DTD1: variants seen among roughly 807,000 people sequenced by gnomAD.
The protein encoded by DTD1 is D-aminoacyl-tRNA deacylase 1.
A neutral mutation model predicts 25.6 loss-of-function variants in DTD1; 13 were observed. That is an observed-to-expected ratio of 0.51 (90% confidence interval 0.33 to 0.81). DTD1 has a LOEUF of 0.81. Among genes scored for constraint, DTD1 ranks in the 30% least tolerant of loss-of-function variants. The pLI, the probability that DTD1 is intolerant of heterozygous loss-of-function variation, is 0.02. For missense variants in DTD1, 193 were observed against 266.4 expected, an observed-to-expected ratio of 0.72 and a Z score of 1.92; for synonymous variants, 110 against 103.6, an observed-to-expected ratio of 1.06 and a Z score of -0.37.
At chr20:18,600,924 T>C (rs776363412) in intron 3 of DTD1, among the ~76,000 whole-genome samples, 4 of 152,254 alleles carry the variant, frequency 2.6e-5, no homozygotes, top group Non-Finnish European at 5.9e-5. Context: ...AGGAAAGTGA[T>C]TGACTTTTGT....
At chr20:18,610,886 TG>T (rs1568644780) in intron 3 of DTD1, among the ~76,000 whole-genome samples, 2 of 74,614 alleles carry the variant, frequency 2.7e-5, no homozygotes, top group Admixed American at 1.3e-4. Context: ...CACTCCAGCC[TG>T]GGTGACAGAG....
At chr20:18,632,572 C>T (rs560902025) in intron 4 of DTD1, 14 of 985,302 alleles carry the variant, frequency 1.4e-5, no homozygotes, top group Admixed American at 6.1e-5. Context: ...TAGATAAACA[C>T]GTGTTTCTAT....
intron 4 of DTD1, among the ~76,000 whole-genome samples, chr20:18,672,483 T>G (rs984895669): frequency 1.3e-5 from 2 of 152,102 alleles, no homozygotes; most frequent in Admixed American, 6.5e-5. Context: ...ACCAAAAAGC[T>G]TATCAATACT....
chr20:18,704,216 G>A (rs552437286), intron 4 of DTD1, among the ~76,000 whole-genome samples: 1 of 152,266 alleles, frequency 6.6e-6, no homozygotes, highest in East Asian at 1.9e-4. Flanking sequence ...TAGCCAGGAT[G>A]GTCTCGATCT....
intron 4 of DTD1, among the ~76,000 whole-genome samples, chr20:18,708,975 C>T (rs2061147440): frequency 6.6e-6 from 1 of 152,204 alleles, no homozygotes; most frequent in Non-Finnish European, 1.5e-5. Flanking sequence ...ACTTCCTCCC[C>T]ACTTAATCGA....
chr20:18,665,220 G>C (rs2093490313), intron 4 of DTD1, among the ~76,000 whole-genome samples: 1 of 152,154 alleles, frequency 6.6e-6, no homozygotes, highest in Non-Finnish European at 1.5e-5. Flanking sequence ...GGGTTCAGTT[G>C]GGGCTGGGGG....
intron 4 of DTD1, among the ~76,000 whole-genome samples, chr20:18,694,343 G>A (rs371576430): frequency 4.6e-5 from 7 of 152,128 alleles, no homozygotes; most frequent in African/African-American, 1.7e-4. Flanking sequence ...TTTTACAAAT[G>A]GGGAGACAGA....
chr20:18,644,061 T>C (rs145608695), intron 4 of DTD1, among the ~76,000 whole-genome samples: 3 of 152,320 alleles, frequency 2.0e-5, no homozygotes, highest in African/African-American at 7.2e-5. Flanking sequence ...TGTGTAGCTA[T>C]TTTCCTTTTG....
intron 4 of DTD1, among the ~76,000 whole-genome samples, chr20:18,729,399 G>C (rs970094640): frequency 6.6e-6 from 1 of 152,222 alleles, no homozygotes; most frequent in Non-Finnish European, 1.5e-5. Context: ...GCTACTGGTA[G>C]ATCCTGAAAC....
At chr20:18,712,722 A>G (rs555816210) in intron 4 of DTD1, among the ~76,000 whole-genome samples, 2 of 152,302 alleles carry the variant, frequency 1.3e-5, no homozygotes, top group Admixed American at 6.5e-5. Context: ...TGGGATCCAC[A>G]AGCTTACCGG....
chr20:18,654,053 C>T (rs548664277), intron 4 of DTD1, among the ~76,000 whole-genome samples: 2 of 152,182 alleles, frequency 1.3e-5, no homozygotes, highest in Non-Finnish European at 2.9e-5. Context: ...TGATTTCTTT[C>T]CAATTTATAA....
intron 4 of DTD1, among the ~76,000 whole-genome samples, chr20:18,628,522 G>A (rs2060769084): frequency 1.3e-5 from 2 of 152,076 alleles, no homozygotes; most frequent in South Asian, 2.1e-4. Flanking sequence ...GTGCCGTGGC[G>A]CCCACCTGCC....
intron 3 of DTD1, among the ~76,000 whole-genome samples, chr20:18,597,557 G>A (rs2122247140): frequency 6.6e-6 from 1 of 152,268 alleles, no homozygotes; most frequent in Non-Finnish European, 1.5e-5. Flanking sequence ...GTCCTAGGCA[G>A]CCATTAATCT....
chr20:18,685,930 G>A (rs1443959804), intron 4 of DTD1, among the ~76,000 whole-genome samples: 2 of 152,174 alleles, frequency 1.3e-5, no homozygotes, highest in Admixed American at 1.3e-4. Context: ...AAAGTCCTGT[G>A]TGCTGCGCCA....
intron 4 of DTD1, chr20:18,631,856 GA>G (rs1233675752): frequency 2.0e-6 from 2 of 985,032 alleles, no homozygotes; most frequent in African/African-American, 3.5e-5. Flanking sequence ...GGAAATGGTA[GA>G]ATAGTACATT....
intron 5 of DTD1, among the ~76,000 whole-genome samples, chr20:18,758,288 C>T (rs1011820183): frequency 3.3e-5 from 5 of 151,994 alleles, no homozygotes; most frequent in South Asian, 2.1e-4. Flanking sequence ...CTGCTCTGAT[C>T]TTAGTTATTT....
At position 18,692,660 on chromosome 20, in the gene DTD1, C is replaced by G. The variant is rs186137545; in HGVS notation, c.478-51440C>G. ...CTGGAGTCAGGAGGAGCCCCACTGACTGCCTGGAAGGAGAGCTGAGGCTCT... is the reference window on the plus strand; with the variant it reads ...CTGGAGTCAGGAGGAGCCCCACTGAGTGCCTGGAAGGAGAGCTGAGGCTCT... On this transcript the variant is annotated intron_variant, in intron 4 of 5. Transcript: ENST00000377452. 3.3e-5 allele frequency among the ~76,000 whole-genome samples: 5 copies of G among 152,320 alleles called. No individual in the cohort carries two copies. In the East Asian group the frequency reaches 9.7e-4, roughly 29 times the overall value.
At chr20:18,733,742 C>T (rs2122508171) in intron 4 of DTD1, among the ~76,000 whole-genome samples, 1 of 152,274 alleles carries the variant, frequency 6.6e-6, no homozygotes, top group East Asian at 1.9e-4. Context: ...TGCATGATTT[C>T]AGATGGGGAC....
intron 5 of DTD1, among the ~76,000 whole-genome samples, chr20:18,747,727 CTT>C (rs962632576): frequency 6.6e-6 from 1 of 152,008 alleles, no homozygotes; most frequent in African/African-American, 2.4e-5. Context: ...TTCAAAACAA[CTT>C]GGGCTGGGCA....
Sources: gnomAD v4.1 joint callset for allele counts (sites outside exome capture counted in the v4.1 genomes callset) on GRCh38, gnomAD v4.1.1 for gene constraint, MANE v1.5 for transcripts, NCBI Gene and HGNC (gene_info 2026-07-23, HGNC 2026-07-21) for gene names.